Variants in ANKRD30BL observed in about 807,000 individuals in gnomAD.
ANKRD30BL encodes the protein putative ankyrin repeat domain-containing protein 30B-like.
ANKRD30BL carries 20 observed loss-of-function variants against 18.4 expected under a neutral mutation model. That is an observed-to-expected ratio of 1.09 (90% CI 0.77 to 1.58). ANKRD30BL has a LOEUF of 1.58. ANKRD30BL is among the 40% of genes most tolerant of loss of function. ANKRD30BL has a pLI of 0.00. For synonymous variants in ANKRD30BL, 72 were observed against 100.9 expected (o/e 0.71, Z 1.72); for missense variants, 224 against 268.6 (o/e 0.83, Z 1.16).
intron 1 of ANKRD30BL, among the ~76,000 whole-genome samples, chr2:132,249,553 A>T (rs988963713): frequency 6.6e-6 from 1 of 151,956 alleles, no homozygotes; most frequent in Admixed American, 6.6e-5. Context: ...CAAAGTGCTC[A>T]ATCAGAAGAA....
At chr2:132,160,556 A>G (rs958839083) in intron 1 of ANKRD30BL, among the ~76,000 whole-genome samples, 1 of 151,794 alleles carries the variant, frequency 6.6e-6, no homozygotes, top group East Asian at 1.9e-4. Flanking sequence ...CTCCTGACTC[A>G]GCCTCCCAAG....
intron 1 of ANKRD30BL, among the ~76,000 whole-genome samples, chr2:132,249,807 GT>G (rs532161299): frequency 3.9e-4 from 60 of 152,178 alleles, no homozygotes; most frequent in Middle Eastern, 3.4e-3. Flanking sequence ...AAGTTTTTAT[GT>G]GATGATATTT....
intron 1 of ANKRD30BL, among the ~76,000 whole-genome samples, chr2:132,184,873 G>T (rs1481309180): frequency 6.6e-6 from 1 of 151,782 alleles, no homozygotes; most frequent in Non-Finnish European, 1.5e-5. Context: ...GAGTGCAGTG[G>T]TGCAATCTCA....
At chr2:132,225,111 T>C (rs920080953) in intron 1 of ANKRD30BL, among the ~76,000 whole-genome samples, 8 of 152,184 alleles carry the variant, frequency 5.3e-5, no homozygotes, top group Non-Finnish European at 1.2e-4. Context: ...CAAGTGGATA[T>C]TTGGACCGCT....
intron 1 of ANKRD30BL, among the ~76,000 whole-genome samples, chr2:132,240,860 C>T (rs1680298033): frequency 6.6e-6 from 1 of 151,946 alleles, no homozygotes. Flanking sequence ...CAGAAGCATT[C>T]TCAGAAACTT....
At chr2:132,210,956 C>T (rs796580881) in intron 1 of ANKRD30BL, among the ~76,000 whole-genome samples, 8 of 85,652 alleles carry the variant, frequency 9.3e-5, no homozygotes, top group South Asian at 3.5e-4. Context: ...AGAGTTGAAC[C>T]TTTCTTTTGA....
At chr2:132,180,776 A>G (rs1688446434) in intron 1 of ANKRD30BL, among the ~76,000 whole-genome samples, 1 of 152,210 alleles carries the variant, frequency 6.6e-6, no homozygotes, top group Non-Finnish European at 1.5e-5. Flanking sequence ...TGATCATTTT[A>G]TGAAGGAAAA....
intron 1 of ANKRD30BL, among the ~76,000 whole-genome samples, chr2:132,245,891 CT>C: frequency 6.6e-6 from 1 of 151,528 alleles, no homozygotes; most frequent in African/African-American, 2.4e-5. Flanking sequence ...TGGAAACACT[CT>C]TTTTGGAGTA....
intron 1 of ANKRD30BL, among the ~76,000 whole-genome samples, chr2:132,235,376 T>A (rs1288847414): frequency 6.6e-6 from 1 of 152,098 alleles, no homozygotes; most frequent in African/African-American, 2.4e-5. Flanking sequence ...AGTATTCAAT[T>A]ATGAAAAGAG....
intron 1 of ANKRD30BL, among the ~76,000 whole-genome samples, chr2:132,237,580 G>A (rs1015265051): frequency 5.3e-5 from 8 of 151,906 alleles, no homozygotes; most frequent in Admixed American, 1.3e-4. Flanking sequence ...GTGGATATTC[G>A]GACAGCTTTG....
intron 1 of ANKRD30BL, among the ~76,000 whole-genome samples, chr2:132,185,422 C>A (rs1327081334): frequency 6.6e-6 from 1 of 152,076 alleles, no homozygotes; most frequent in Non-Finnish European, 1.5e-5. Context: ...TATTTTTTCT[C>A]CCCCAGTATT....
intron 1 of ANKRD30BL, among the ~76,000 whole-genome samples, chr2:132,169,869 T>C (rs1688249419): frequency 6.6e-6 from 1 of 152,144 alleles, no homozygotes; most frequent in Admixed American, 6.6e-5. Context: ...GTTGCATCTC[T>C]AGGTGGTTTT....
chr2:132,218,563 C>A (rs1679576756), intron 1 of ANKRD30BL, among the ~76,000 whole-genome samples: 1 of 152,272 alleles, frequency 6.6e-6, no homozygotes, highest in African/African-American at 2.4e-5. Flanking sequence ...GTTTGAAACA[C>A]TCTTTTTGCA....
intron 1 of ANKRD30BL, among the ~76,000 whole-genome samples, chr2:132,198,259 CTTTCTTTCTTTTCTTTCT>C (rs1235645978): frequency 1.9e-4 from 25 of 130,768 alleles, no homozygotes; most frequent in African/African-American, 8.8e-4. Flanking sequence ...ACTATACCTT[CTTTCTTTCTTTTCTTTCT>C]TTCTTTCTTT....
intron 1 of ANKRD30BL, among the ~76,000 whole-genome samples, chr2:132,253,774 C>G (rs971401503): frequency 4.6e-5 from 7 of 151,718 alleles, no homozygotes; most frequent in African/African-American, 1.7e-4. Context: ...CACCAGAATG[C>G]GCTAGGTACC....
At chr2:132,201,464 A>G (rs1404218989) in intron 1 of ANKRD30BL, among the ~76,000 whole-genome samples, 1 of 152,202 alleles carries the variant, frequency 6.6e-6, no homozygotes, top group Non-Finnish European at 1.5e-5. Flanking sequence ...AAACAACCCC[A>G]TCAAAAAGTG....
rs1164452030 is a variant in ANKRD30BL at position 132,200,974 on chromosome 2, C to T, written n.442-43828G>A. The stretch of plus-strand genomic sequence containing the variant: ...ATAGATCAATGGAACAGAACAGAGT[C>T]CTCAGAAATGATGCCACATATCTAC... On this transcript the variant is annotated intron_variant and non_coding_transcript_variant, in intron 1 of 4. Transcript: ENST00000470729. 3.9e-5 allele frequency among the ~76,000 whole-genome samples: 6 copies of T among 152,114 alleles called. No homozygotes were observed. The East Asian group carries it at 7.7e-4, about 20-fold the overall frequency.
rs567337910 is a variant in ANKRD30BL at position 132,157,440 on chromosome 2, C to A, written c.219-17G>T. 2.1e-5 allele frequency: 13 copies of A among 624,764 alleles called. No homozygotes were observed. Among genetic ancestry groups the A allele is most frequent in the South Asian group, 8.2e-5 (4 of 49,018 alleles). The allele number at this position is 624,764 out of a possible 1,614,324, so 38.7% of individuals were successfully genotyped here. On this transcript the variant is annotated splice_polypyrimidine_tract_variant and intron_variant, in intron 1 of 5. Transcript: ENST00000409867. ...AGAGCAGTCCTACAAGAATGAGAGG[C>A]CTTTTAAGGAAAGTTTAGTCCACTG...
At chr2:132,229,674 A>C (rs2104780826) in intron 1 of ANKRD30BL, among the ~76,000 whole-genome samples, 1 of 152,184 alleles carries the variant, frequency 6.6e-6, no homozygotes, top group African/African-American at 2.4e-5. Flanking sequence ...TGATGTGTGC[A>C]TTCAACTCAC....
Sources: gnomAD v4.1 joint callset for allele counts (sites outside exome capture counted in the v4.1 genomes callset) on GRCh38, gnomAD v4.1.1 for gene constraint, MANE v1.5 for transcripts, NCBI Gene and HGNC (gene_info 2026-07-23, HGNC 2026-07-21) for gene names.